The following GRM5 variants were observed in gnomAD, a reference collection of about 807,000 sequenced individuals.
GRM5 encodes glutamate metabotropic receptor 5.
Under a neutral mutation model 83.1 loss-of-function variants are expected in GRM5, and 19 were observed. That is an observed-to-expected ratio of 0.23 (90% CI 0.16 to 0.34). The LOEUF (loss-of-function observed/expected upper bound fraction) is 0.34. Ranked by LOEUF, GRM5 falls within the 10% of genes least tolerant of loss-of-function variation. GRM5 has a pLI of 1.00. For missense variants in GRM5, 1,160 were observed against 1,588.3 expected (o/e 0.73, Z 4.58); for synonymous variants, 675 against 633.6 (o/e 1.07, Z -0.98).
intron 3 of GRM5, among the ~76,000 whole-genome samples, chr11:88,807,605 T>C (rs1440052939): frequency 3.3e-5 from 5 of 152,232 alleles, no homozygotes; most frequent in South Asian, 2.1e-4. Flanking sequence ...ATTGATGGTA[T>C]GCCATCTTTT....
chr11:88,643,762 T>C lies in GRM5; in HGVS notation c.1147+9406A>G, dbSNP rs5003254. On this transcript the variant is annotated intron_variant, in intron 4 of 9. Coordinates refer to ENST00000305447, the MANE Select transcript of GRM5 (RefSeq NM_001143831.3). ...CAAGCAATTCTTTTCTTTCAGTAGA[T>C]TTTTTTTTATTTTCCCCAGTCATAT... Among the ~76,000 whole-genome samples the C allele has an allele frequency of 4.2e-4, 4 of 9,544 alleles. No homozygotes were observed. The Non-Finnish European group carries it at 0.017, about 40-fold the overall frequency. The allele number at this position is 9,544 out of a possible 152,430, so 6.3% of individuals were successfully genotyped here.
At chr11:88,928,276 G>A (rs4107263) in intron 2 of GRM5, among the ~76,000 whole-genome samples, 3,101 of 152,052 alleles carry the variant, frequency 0.02, 49 homozygotes, top group East Asian at 0.068. Context: ...AATTGTAGGC[G>A]AATCATTTCT....
At chr11:89,027,519 A>G (rs1357910279) in intron 2 of GRM5, among the ~76,000 whole-genome samples, 3 of 152,244 alleles carry the variant, frequency 2.0e-5, no homozygotes, top group African/African-American at 7.2e-5. Context: ...AAAATAGTTT[A>G]TGACAAAGCT....
intron 3 of GRM5, among the ~76,000 whole-genome samples, chr11:88,824,051 G>T (rs1360510217): frequency 1.3e-5 from 2 of 152,144 alleles, no homozygotes; most frequent in Non-Finnish European, 2.9e-5. Flanking sequence ...TGAGAATTTG[G>T]CTTTCTTTGT....
chr11:88,946,405 A>G (rs1193602571), intron 2 of GRM5, among the ~76,000 whole-genome samples: 2 of 152,026 alleles, frequency 1.3e-5, no homozygotes, highest in African/African-American at 4.8e-5. Context: ...AACAAAACCA[A>G]TCTTTCTACC....
chr11:88,865,420 TA>T (rs1944645144), intron 2 of GRM5, among the ~76,000 whole-genome samples: 1 of 152,136 alleles, frequency 6.6e-6, no homozygotes, highest in South Asian at 2.1e-4. Context: ...CAAGATGGAT[TA>T]AAGACTTAAA....
chr11:88,816,813 C>A (rs1305455776), intron 3 of GRM5, among the ~76,000 whole-genome samples: 1 of 147,992 alleles, frequency 6.8e-6, no homozygotes, highest in Admixed American at 6.7e-5. Flanking sequence ...AGTTATATTG[C>A]TACAAATTAT....
chr11:88,565,751 A>G (rs1942861334), intron 8 of GRM5, among the ~76,000 whole-genome samples: 1 of 152,218 alleles, frequency 6.6e-6, no homozygotes, highest in Non-Finnish European at 1.5e-5. Context: ...AAAAGAAGAC[A>G]TGAGTTACAG....
At chr11:89,045,409 CAAATT>C (rs1362633210) in intron 2 of GRM5, among the ~76,000 whole-genome samples, 2 of 152,084 alleles carry the variant, frequency 1.3e-5, no homozygotes, top group Non-Finnish European at 2.9e-5. Context: ...AAGATCCAAT[CAAATT>C]GTTTGCATAA....
At chr11:88,793,578 A>T (rs1943218407) in intron 3 of GRM5, among the ~76,000 whole-genome samples, 1 of 152,204 alleles carries the variant, frequency 6.6e-6, no homozygotes. Flanking sequence ...AATTAGATCT[A>T]AGAATAACAT....
At chr11:88,534,188 A>T (rs1441267936) in intron 8 of GRM5, among the ~76,000 whole-genome samples, 2 of 152,226 alleles carry the variant, frequency 1.3e-5, no homozygotes, top group African/African-American at 2.4e-5. Flanking sequence ...CAGAGTCCTT[A>T]CTGGGGCACT....
intron 4 of GRM5, among the ~76,000 whole-genome samples, chr11:88,644,766 A>C (rs1168700951): frequency 2.0e-5 from 3 of 152,148 alleles, no homozygotes; most frequent in Admixed American, 6.5e-5. Flanking sequence ...AACTTGTGTT[A>C]GTGTGTAGAA....
At chr11:88,729,818 G>A (rs1941767372) in intron 3 of GRM5, among the ~76,000 whole-genome samples, 1 of 152,120 alleles carries the variant, frequency 6.6e-6, no homozygotes, top group Admixed American at 6.6e-5. Flanking sequence ...GGGAAAACTG[G>A]CTAGCCATAT....
rs1366355209 is a variant in GRM5, at chr11:89,047,869, C to A, written c.4G>T (p.Val2Phe). 6.2e-7 allele frequency: 1 copy of A among 1,612,674 alleles called. No individual in the cohort carries two copies. Among genetic ancestry groups the A allele is most frequent in the East Asian group, 2.2e-5 (1 of 44,854 alleles). ...AAGACTGACAGGATCAACAGAAGGA[C>A]CATTTTAGGAAAGGAGTTCAAGCCA... is the stretch of plus-strand genomic sequence containing the variant. M[V>F]LLLILSVLLL... is the part of the protein sequence containing the mutation. Residue 2 changes from valine (V) to phenylalanine (F), a missense_variant, in exon 2 of 10, where the codon GTC becomes TTC. This residue lies in a region of GRM5 where 71 missense variants were observed against 145.8 expected (regional missense o/e 0.49). Transcript: ENST00000305447. This position sits in a 1 kb window ranked among gnomAD's most constrained non-coding sequence, Gnocchi z 5.1.
chr11:88,805,261 G>A lies in GRM5; in HGVS notation c.911+44645C>T, dbSNP rs570988559. Among the ~76,000 whole-genome samples, 6 of 152,076 alleles carry A rather than the reference G, an allele frequency of 3.9e-5. No individual in the cohort carries two copies. In the East Asian group the frequency reaches 1.2e-3, roughly 29 times the overall value. ...GGCTGGAGTGCAGTGGCGTAATCTC[G>A]GCTCACTGCAACCTCCGCCTCCCGG... On this transcript the variant is annotated intron_variant, in intron 3 of 9. Transcript: ENST00000305447.
At position 89,026,274 on chromosome 11, in the gene GRM5, C is replaced by T. The variant is rs147920012; in HGVS notation, c.661+20938G>A. Among the ~76,000 whole-genome samples, 20 of 152,220 alleles carry T rather than the reference C, an allele frequency of 1.3e-4. No individual in the cohort carries two copies. In the East Asian group the frequency reaches 3.9e-3, roughly 29 times the overall value. ...CAAGCACCCACAACACACAATTTAC[C>T]CATGTAACAAACCTGCACATGTACC... On this transcript the variant is annotated intron_variant, in intron 2 of 9. Transcript: ENST00000305447.
intron 2 of GRM5, among the ~76,000 whole-genome samples, chr11:89,007,951 CTATAA>C (rs1940576980): frequency 6.6e-6 from 1 of 152,144 alleles, no homozygotes; most frequent in Non-Finnish European, 1.5e-5. Context: ...ATTAATGTAT[CTATAA>C]TATAACTTCA....
intron 1 of GRM5, among the ~76,000 whole-genome samples, chr11:89,048,427 AC>A (rs1424880972): frequency 6.6e-6 from 1 of 152,202 alleles, no homozygotes; most frequent in Non-Finnish European, 1.5e-5. Context: ...AGAAGTATGC[AC>A]CCCAGAATAT....
At chr11:88,913,677 C>G (rs1463144682) in intron 2 of GRM5, among the ~76,000 whole-genome samples, 1 of 151,376 alleles carries the variant, frequency 6.6e-6, no homozygotes, top group Admixed American at 6.6e-5. Context: ...ACCTCTGCCT[C>G]CCAGGTTCAA....
Sources: allele counts gnomAD v4.1 joint callset (sites outside exome capture counted in the v4.1 genomes callset), GRCh38; gene constraint gnomAD v4.1.1; regional missense constraint gnomAD v4.1.1; non-coding constraint Gnocchi (gnomAD v3.1); transcripts MANE v1.5; gene names NCBI Gene and HGNC (gene_info 2026-07-23, HGNC 2026-07-21).